The following POMP variants were observed in gnomAD, a reference collection of about 807,000 sequenced individuals.
POMP encodes proteasome maturation protein, also known as 2510048O06Rik.
A neutral mutation model predicts 20.6 loss-of-function variants in POMP; 12 were observed. The observed-to-expected ratio is 0.58, with a 90% CI of 0.37 to 0.94. POMP has a LOEUF of 0.94. Among genes scored for constraint, POMP ranks in the 40% least tolerant of loss-of-function variants. The pLI, the probability that POMP is intolerant of heterozygous loss-of-function variation, is 0.01. For synonymous variants in POMP, 53 were observed against 55.0 expected (o/e 0.96, Z 0.16); for missense variants, 136 against 161.1 (o/e 0.84, Z 0.84).
intron 3 of POMP, among the ~76,000 whole-genome samples, chr13:28,666,029 T>G (rs1180271107): frequency 6.6e-5 from 10 of 152,164 alleles, no homozygotes; most frequent in Non-Finnish European, 1.0e-4. Context: ...AAAGAAAGAA[T>G]GTATATTAGG....
chr13:28,669,443 A>G (rs1384259784), intron 4 of POMP, among the ~76,000 whole-genome samples: 1 of 152,116 alleles, frequency 6.6e-6, no homozygotes, highest in African/African-American at 2.4e-5. Context: ...TGGTATGATC[A>G]TAGCTCACTG....
Position 28,672,387 on chromosome 13 carries a change from T to C in POMP, c.313T>C (p.Leu105=). ...LSSSNLSLDV[L]RGNDETIGFE... The stretch of plus-strand genomic sequence containing the variant: ...AAGCTCAAATCTTTCACTGGATGTT[T>C]TGAGGGGTAATGATGAGACTATTGG... Residue 105 remains leucine (L), a synonymous_variant, in exon 5 of 6, where the codon TTG becomes CTG. Coordinates refer to ENST00000380842, the MANE Select transcript of POMP (RefSeq NM_015932.6). 1 of 1,610,946 alleles carries C rather than the reference T, an allele frequency of 6.2e-7. No individual in the cohort carries two copies. Among genetic ancestry groups the C allele is most frequent in the African/African-American group, 1.3e-5 (1 of 74,940 alleles).
intron 4 of POMP, among the ~76,000 whole-genome samples, chr13:28,671,420 T>C (rs1884542772): frequency 6.6e-6 from 1 of 151,724 alleles, no homozygotes; most frequent in Admixed American, 6.6e-5. Context: ...TACTATTTGA[T>C]CCAAATATCT....
chr13:28,672,295 C>G (rs1054485350), intron 4 of POMP, 44 bp from the exon 5 acceptor site: 9 of 1,410,834 alleles, frequency 6.4e-6, no homozygotes, highest in Non-Finnish European at 9.0e-6. Flanking sequence ...GTCATTTTCC[C>G]CTGAGTTTTT....
intron 2 of POMP, among the ~76,000 whole-genome samples, chr13:28,663,745 A>T (rs1325197760): frequency 6.6e-6 from 1 of 152,246 alleles, no homozygotes; most frequent in Non-Finnish European, 1.5e-5. Context: ...ATATAATTTG[A>T]TATTTATAAT....
At chr13:28,662,853 A>G (rs1372265719) in intron 2 of POMP, among the ~76,000 whole-genome samples, 2 of 152,200 alleles carry the variant, frequency 1.3e-5, no homozygotes, top group East Asian at 3.8e-4. Context: ...GCACTAGAAC[A>G]TAGCAGTTGA....
At chr13:28,666,058 A>G (rs1884440506) in intron 3 of POMP, among the ~76,000 whole-genome samples, 1 of 152,254 alleles carries the variant, frequency 6.6e-6, no homozygotes, top group African/African-American at 2.4e-5. Flanking sequence ...AAAAAGGTTG[A>G]GAAGGATAGT....
At chr13:28,677,350 C>T (rs1396539256) in intron 5 of POMP, among the ~76,000 whole-genome samples, 1 of 152,094 alleles carries the variant, frequency 6.6e-6, no homozygotes, top group African/African-American at 2.4e-5. Context: ...CAGGGTTATT[C>T]ATTTTTACAA....
At chr13:28,672,311 T>A in intron 4 of POMP, 28 bp from the exon 5 acceptor site, 1 of 1,492,718 alleles carries the variant, frequency 6.7e-7, no homozygotes. Flanking sequence ...TTTTTTCTAA[T>A]CTTGTCCCTT....
intron 1 of POMP, among the ~76,000 whole-genome samples, chr13:28,661,765 CCAAA>C (rs1170802111): frequency 6.6e-6 from 1 of 152,108 alleles, no homozygotes; most frequent in Non-Finnish European, 1.5e-5. Context: ...CATATAGAAA[CCAAA>C]CACTTTCTGA....
intron 4 of POMP, among the ~76,000 whole-genome samples, chr13:28,669,556 G>T (rs1425421641): frequency 6.6e-6 from 1 of 152,030 alleles, no homozygotes; most frequent in East Asian, 1.9e-4. Flanking sequence ...TAAAAATTAT[G>T]ATTTGTAGAA....
intron 5 of POMP, 35 bp from the exon 6 acceptor site, chr13:28,678,000 A>C (rs1285176610): frequency 1.3e-6 from 2 of 1,591,594 alleles, no homozygotes; most frequent in African/African-American, 2.7e-5. Context: ...CTTTTTTGAG[A>C]GTCTTTTAAA....
chr13:28,678,415 ATT>A lies in POMP; in HGVS notation c.*315_*316del. On this transcript the variant is annotated 3_prime_UTR_variant, in exon 6 of 6. Transcript: ENST00000380842. ...AACCTGTTTCTAGGTTTTTTTGTAA[ATT>A]TAGTTTTGATTAAGCATTATAAGCA... 3.2e-6 allele frequency: 1 copy of A among 314,558 alleles called. No individual in the cohort carries two copies. The highest frequency in any genetic ancestry group is 6.0e-6 in the Non-Finnish European group (1 of 166,212). The allele number at this position is 314,558 out of a possible 1,614,324, so 19.5% of individuals were successfully genotyped here. A position where few individuals can be genotyped will look rare whatever the true frequency, so the allele number is the denominator to read the frequency against.
intron 5 of POMP, among the ~76,000 whole-genome samples, chr13:28,676,989 C>A (rs989110902): frequency 1.3e-5 from 2 of 152,094 alleles, no homozygotes; most frequent in African/African-American, 4.8e-5. Context: ...ATTAAAGAAG[C>A]TTTAAAAAGC....
At position 28,678,228 on chromosome 13, in the gene POMP, C is replaced by G. The variant is rs1050858518; in HGVS notation, c.*126C>G. The G allele has an allele frequency of 1.1e-5, 11 of 971,780 alleles. No individual in the cohort carries two copies. The highest frequency in any genetic ancestry group is 1.8e-5 in the Non-Finnish European group (11 of 615,730). 60.2% of individuals were successfully genotyped at this position (971,780 alleles called of 1,614,324 possible). A position where few individuals can be genotyped will look rare whatever the true frequency, so the allele number is the denominator to read the frequency against. On this transcript the variant is annotated 3_prime_UTR_variant, in exon 6 of 6. Coordinates refer to ENST00000380842, the MANE Select transcript of POMP (RefSeq NM_015932.6). ...TTTCTGCTCAAGTAGTATCAGTGAT[C>G]ATTTAAAATTTGGAGGGGTCTTTGG... is the stretch of plus-strand genomic sequence containing the variant.
chr13:28,659,438 T>C (rs1012064296), intron 1 of POMP, among the ~76,000 whole-genome samples: 2 of 152,156 alleles, frequency 1.3e-5, no homozygotes, highest in Non-Finnish European at 2.9e-5. Context: ...GTTTGCGCCC[T>C]TCCATCCCTT....
rs1407569830 is a variant in POMP, at chr13:28,678,367, A to T, written c.*265A>T. Reference sequence around the variant, plus strand: ...AAAGTTGTTGCTCATGAATATTATAAAATGATCTACAGGTTTCAATTCAAC... The same window carrying T: ...AAAGTTGTTGCTCATGAATATTATATAATGATCTACAGGTTTCAATTCAAC... On this transcript the variant is annotated 3_prime_UTR_variant, in exon 6 of 6. Coordinates refer to ENST00000380842, the MANE Select transcript of POMP (RefSeq NM_015932.6). The T allele has an allele frequency of 2.9e-5, 12 of 417,350 alleles. No individual in the cohort carries two copies. Among genetic ancestry groups the T allele is most frequent in the Non-Finnish European group, 1.3e-5 (3 of 229,520 alleles). The allele number at this position is 417,350 out of a possible 1,614,324, so 25.9% of individuals were successfully genotyped here.
At chr13:28,674,447 A>G (rs1884597417) in intron 5 of POMP, among the ~76,000 whole-genome samples, 1 of 152,200 alleles carries the variant, frequency 6.6e-6, no homozygotes, top group African/African-American at 2.4e-5. Context: ...ACGGCTTTGG[A>G]AAGATAGCCT....
At chr13:28,669,942 C>CA (rs200357839) in intron 4 of POMP, among the ~76,000 whole-genome samples, 227 of 150,680 alleles carry the variant, frequency 1.5e-3, no homozygotes, top group Admixed American at 2.4e-3. Flanking sequence ...CCCATCTCTA[C>CA]AAAAAAAAAT....
Sources: gnomAD v4.1 joint callset for allele counts (sites outside exome capture counted in the v4.1 genomes callset) on GRCh38, gnomAD v4.1.1 for gene constraint, MANE v1.5 for transcripts, NCBI Gene and HGNC (gene_info 2026-07-23, HGNC 2026-07-21) for gene names.